Variants in KALRN observed in about 807,000 individuals in gnomAD.
KALRN encodes the protein kalirin.
KALRN carries 70 observed loss-of-function variants against 353.7 expected under a neutral mutation model. The ratio of observed to expected loss-of-function variants is 0.20; its 90% CI spans 0.16 to 0.24. KALRN has a LOEUF of 0.24. Among genes scored for constraint, KALRN ranks in the 10% least tolerant of loss-of-function variants. KALRN has a pLI of 1.00. For missense variants in KALRN, 2,791 were observed against 3,756.7 expected, an observed-to-expected ratio of 0.74 and a Z score of 6.72; for synonymous variants, 1,391 against 1,434.8, an observed-to-expected ratio of 0.97 and a Z score of 0.69.
intron 1 of KALRN, among the ~76,000 whole-genome samples, chr3:124,084,789 T>C (rs1180285946): frequency 1.3e-5 from 2 of 152,208 alleles, no homozygotes; most frequent in Non-Finnish European, 2.9e-5. Flanking sequence ...GTTTCTTACA[T>C]GGGCACAATT....
chr3:124,686,915 A>G (rs945620946), intron 51 of KALRN, among the ~76,000 whole-genome samples: 2 of 144,832 alleles, frequency 1.4e-5, no homozygotes, highest in Non-Finnish European at 3.0e-5. Flanking sequence ...CCCAGGCTCA[A>G]GTGACCCTCC....
chr3:124,518,967 GGAA>G (rs1350210366), intron 33 of KALRN: 4 of 990,344 alleles, frequency 4.0e-6, no homozygotes, highest in Middle Eastern at 5.2e-4. Context: ...TGAGAAAGAG[GGAA>G]GAAGAAGAAG....
At chr3:124,337,235 C>T (rs1005427646) in intron 9 of KALRN, among the ~76,000 whole-genome samples, 7 of 152,060 alleles carry the variant, frequency 4.6e-5, no homozygotes, top group African/African-American at 1.2e-4. Context: ...TGTCTTGTGC[C>T]GATTTTCAAC....
chr3:124,584,119 C>G (rs1047871380), intron 34 of KALRN, among the ~76,000 whole-genome samples: 3 of 152,108 alleles, frequency 2.0e-5, no homozygotes, highest in Admixed American at 6.5e-5. Context: ...TAAGTTCAAA[C>G]AGCTAGCAGG....
intron 33 of KALRN, among the ~76,000 whole-genome samples, chr3:124,528,455 C>A (rs549677630): frequency 6.6e-6 from 1 of 152,306 alleles, no homozygotes; most frequent in South Asian, 2.1e-4. Context: ...GTCCTCTCCC[C>A]AAGCCCCACT....
At chr3:124,622,533 G>C (rs1384276042) in intron 34 of KALRN, among the ~76,000 whole-genome samples, 1 of 152,272 alleles carries the variant, frequency 6.6e-6, no homozygotes, top group African/African-American at 2.4e-5. Flanking sequence ...AAAATAGTGA[G>C]CCAGCCTCAT....
chr3:124,053,130 G>T (rs1157698676), intron 1 of KALRN, among the ~76,000 whole-genome samples: 1 of 152,116 alleles, frequency 6.6e-6, no homozygotes, highest in African/African-American at 2.4e-5. Context: ...TCGACCTCTT[G>T]GGCTCAAGGG....
intron 30 of KALRN, among the ~76,000 whole-genome samples, 193 bp from the exon 31 acceptor site, chr3:124,491,130 G>A (rs1005514635): frequency 2.0e-5 from 3 of 152,092 alleles, no homozygotes; most frequent in Admixed American, 6.5e-5. Flanking sequence ...CCTGGTACCT[G>A]CTAATCAGGC....
rs974868778 is a variant in KALRN at position 124,559,582 on chromosome 3, G to C, written c.4936-3261G>C. On this transcript the variant is annotated intron_variant, in intron 33 of 59. Transcript: ENST00000682506. ...TTCCAGAAGCAGGGGTACAAGATCA[G>C]AGAAGAATCAAAAACATAACCTGAA... Among the ~76,000 whole-genome samples, 3 of 152,180 alleles carry C rather than the reference G, an allele frequency of 2.0e-5. No individual in the cohort carries two copies. In the East Asian group the frequency reaches 5.8e-4, roughly 29 times the overall value.
chr3:124,631,132 T>G (rs2080736694), intron 34 of KALRN, among the ~76,000 whole-genome samples: 1 of 152,198 alleles, frequency 6.6e-6, no homozygotes, highest in South Asian at 2.1e-4. Context: ...CACCCCACCC[T>G]CCTGGTTTTA....
At position 124,678,322 on chromosome 3, in the gene KALRN, G is replaced by A. The variant is rs1189286756; in HGVS notation, c.7317+9G>A. 3.1e-6 allele frequency: 5 copies of A among 1,613,160 alleles called. No individual in the cohort carries two copies. The highest frequency in any genetic ancestry group is 1.1e-5 in the South Asian group (1 of 91,034). ...ACAAAGTCTCTGTTAAAGTGAGTAA[G>A]GTATTCCGGAGCTGCGTCCCCACCT... is the stretch of plus-strand genomic sequence containing the variant. On this transcript the variant is annotated intron_variant, in intron 50 of 59. Transcript: ENST00000682506.
At chr3:124,092,830 T>C (rs2061200261) in intron 1 of KALRN, among the ~76,000 whole-genome samples, 1 of 152,188 alleles carries the variant, frequency 6.6e-6, no homozygotes, top group South Asian at 2.1e-4. Flanking sequence ...GAGATGATAG[T>C]TATGAAAGTA....
Position 124,033,706 on chromosome 3 carries a change from G to A in KALRN, c.-35G>A, listed in dbSNP as rs575292642. Among the ~76,000 whole-genome samples, 78 of 152,122 alleles carry A rather than the reference G, an allele frequency of 5.1e-4. No individual in the cohort carries two copies. Among genetic ancestry groups the A allele is most frequent in the Admixed American group, 2.0e-3 (31 of 15,292 alleles). The stretch of plus-strand genomic sequence containing the variant: ...GCAGCCCTCGGCCCCAGGCTTCTTC[G>A]GCTCCCGGCTGCCCGCGGACGCCCT... On this transcript the variant is annotated 5_prime_UTR_variant, in exon 1 of 60. Transcript: ENST00000682506. The surrounding 1 kb of genome is among the most constrained non-coding windows in gnomAD (Gnocchi z 6.2).
At chr3:124,122,103 G>A (rs1415136868) in intron 1 of KALRN, among the ~76,000 whole-genome samples, 1 of 152,170 alleles carries the variant, frequency 6.6e-6, no homozygotes, top group Non-Finnish European at 1.5e-5. Flanking sequence ...GTTTGGCTGC[G>A]GTGGTTGTGA....
At chr3:124,041,621 C>T (rs1014603016) in intron 1 of KALRN, among the ~76,000 whole-genome samples, 3 of 152,276 alleles carry the variant, frequency 2.0e-5, no homozygotes, top group South Asian at 4.1e-4. Context: ...TCATGGGGCA[C>T]GTGGCTCGAT....
chr3:124,539,932 G>GA (rs397765097), intron 33 of KALRN, among the ~76,000 whole-genome samples: 3 of 150,426 alleles, frequency 2.0e-5, no homozygotes, highest in East Asian at 3.9e-4. Context: ...TGGGGGGGGG[G>GA]ACAGGGTCTC....
intron 34 of KALRN, among the ~76,000 whole-genome samples, chr3:124,592,561 T>C (rs1164098884): frequency 2.0e-5 from 3 of 151,256 alleles, no homozygotes; most frequent in Non-Finnish European, 4.4e-5. Flanking sequence ...TTATTGCACA[T>C]CTTTTATGTT....
chr3:124,439,086 C>G, intron 18 of KALRN, 49 bp downstream of exon 18: 2 of 1,571,012 alleles, frequency 1.3e-6, no homozygotes, highest in Non-Finnish European at 1.7e-6. Flanking sequence ...CCTTGGCCGC[C>G]TTGTTCTTTC....
At chr3:124,689,661 A>G (rs1010773013) in intron 51 of KALRN, among the ~76,000 whole-genome samples, 2 of 152,236 alleles carry the variant, frequency 1.3e-5, no homozygotes, top group Admixed American at 6.5e-5. Context: ...AATGACCACT[A>G]GACAAGGTGG....
Sources: gnomAD v4.1 joint callset for allele counts (sites outside exome capture counted in the v4.1 genomes callset) on GRCh38, gnomAD v4.1.1 for gene constraint, Gnocchi (gnomAD v3.1) non-coding constraint, MANE v1.5 for transcripts, NCBI Gene and HGNC (gene_info 2026-07-23, HGNC 2026-07-21) for gene names.